Variants in ANKRD7 observed in about 807,000 individuals in gnomAD.
ANKRD7 encodes the protein ankyrin repeat domain 7.
ANKRD7 carries 30 observed loss-of-function variants against 30.8 expected under a neutral mutation model. That is an observed-to-expected ratio of 0.97 (90% CI 0.73 to 1.32). ANKRD7 has a LOEUF of 1.32. Ranked by LOEUF, ANKRD7 falls within the 40% of genes most tolerant of loss-of-function variation. The pLI is 0.00. For synonymous variants in ANKRD7, 97 were observed against 106.6 expected (o/e 0.91, Z 0.55); for missense variants, 264 against 295.7 (o/e 0.89, Z 0.79).
chr7:118,238,521 T>G (rs1809772152), intron 5 of ANKRD7, among the ~76,000 whole-genome samples: 1 of 152,234 alleles, frequency 6.6e-6, no homozygotes, highest in South Asian at 2.1e-4. Flanking sequence ...GTTGCCTATG[T>G]AACGTACTTA....
intron 6 of ANKRD7, among the ~76,000 whole-genome samples, chr7:118,241,197 T>TTA (rs1362569850): frequency 1.5e-4 from 23 of 149,274 alleles, no homozygotes; most frequent in African/African-American, 5.4e-4. Flanking sequence ...GAATATATAG[T>TTA]TATTTAGGTC....
Position 118,230,820 on chromosome 7 carries a change from CA to C in ANKRD7, c.180-3609del, listed in dbSNP as rs1809624151. Among the ~76,000 whole-genome samples, 3 of 151,926 alleles carry C rather than the reference CA, an allele frequency of 2.0e-5. No homozygotes were observed. In the South Asian group the frequency reaches 6.2e-4, roughly 31 times the overall value. On this transcript the variant is annotated intron_variant, in intron 1 of 6. Coordinates refer to ENST00000265224, the MANE Select transcript of ANKRD7 (RefSeq NM_019644.4). ...TTTGAATTTTTAATAAGGTAAATTA[CA>C]ATGTTTTATCAAATGTTTCACAGAA... is the stretch of plus-strand genomic sequence containing the variant.
chr7:118,227,708 T>C (rs1359266913), intron 1 of ANKRD7, among the ~76,000 whole-genome samples: 13 of 152,142 alleles, frequency 8.5e-5, no homozygotes, highest in Admixed American at 8.5e-4. Context: ...GCTGCGAAAA[T>C]TAATACATAT....
intron 4 of ANKRD7, 128 bp downstream of exon 4, chr7:118,236,275 T>C (rs1440680459): frequency 1.3e-5 from 7 of 541,678 alleles, no homozygotes; most frequent in Middle Eastern, 5.1e-4. Context: ...TGGGAAAATA[T>C]AGAACCATAA....
chr7:118,235,430 G>T (rs1017032942), intron 3 of ANKRD7, among the ~76,000 whole-genome samples: 5 of 151,918 alleles, frequency 3.3e-5, no homozygotes, highest in Non-Finnish European at 5.9e-5. Context: ...GGCTAACGTG[G>T]TGAAACCCCG....
intron 1 of ANKRD7, among the ~76,000 whole-genome samples, chr7:118,233,495 A>T (rs762384725): frequency 3.9e-5 from 6 of 151,950 alleles, no homozygotes; most frequent in Non-Finnish European, 5.9e-5. Context: ...ATAGATGGTA[A>T]GTTATTGTGT....
chr7:118,234,905 A>G, intron 3 of ANKRD7, 31 bp downstream of exon 3: 1 of 1,545,322 alleles, frequency 6.5e-7, no homozygotes, highest in Non-Finnish European at 8.7e-7. Context: ...AAAATCCTGT[A>G]TTTTAGAAAG....
chr7:118,233,427 A>C (rs1435395683), intron 1 of ANKRD7, among the ~76,000 whole-genome samples: 1 of 152,102 alleles, frequency 6.6e-6, no homozygotes, highest in African/African-American at 2.4e-5. Flanking sequence ...AAACTTAATT[A>C]GAATTTTAGC....
At position 118,234,421 on chromosome 7, in the gene ANKRD7, A is replaced by G. The variant is rs757735860; in HGVS notation, c.180-10A>G. On this transcript the variant is annotated splice_polypyrimidine_tract_variant and intron_variant, in intron 1 of 6. Coordinates refer to ENST00000265224, the MANE Select transcript of ANKRD7 (RefSeq NM_019644.4). ...TATCTCTAACTTTGTGTTTTGTTTTATTGACATAGAACACCTTTGCACCTA... is the reference window on the plus strand; with the variant it reads ...TATCTCTAACTTTGTGTTTTGTTTTGTTGACATAGAACACCTTTGCACCTA... 1.3e-6 allele frequency: 2 copies of G among 1,548,548 alleles called. No individual in the cohort carries two copies. The highest frequency in any genetic ancestry group is 1.7e-6 in the Non-Finnish European group (2 of 1,145,454).
intron 6 of ANKRD7, among the ~76,000 whole-genome samples, chr7:118,241,377 G>A (rs963546310): frequency 6.6e-6 from 1 of 151,372 alleles, no homozygotes; most frequent in Non-Finnish European, 1.5e-5. Flanking sequence ...GAGTGTGGAG[G>A]CAATAGAAGA....
chr7:118,240,112 A>G, intron 6 of ANKRD7, 114 bp downstream of exon 6: 1 of 376,088 alleles, frequency 2.7e-6, no homozygotes, highest in Non-Finnish European at 4.4e-6. Context: ...GAAATTTTGT[A>G]TTATTTTGAA....
At chr7:118,239,876 C>A in intron 5 of ANKRD7, 33 bp from the exon 6 acceptor site, 1 of 1,406,574 alleles carries the variant, frequency 7.1e-7, no homozygotes, top group East Asian at 2.3e-5. Context: ...AATTTCTATG[C>A]ATGCTGGCAT....
rs147870989 is a variant in ANKRD7, at chr7:118,239,905, A to G, written c.713-4A>G. Reference sequence around the variant, plus strand: ...CTGGCATTCACACGTAATTTCCTTTATAGATAGATACCCACAATTCACTGC... The same window carrying G: ...CTGGCATTCACACGTAATTTCCTTTGTAGATAGATACCCACAATTCACTGC... On this transcript the variant is annotated splice_region_variant and splice_polypyrimidine_tract_variant and intron_variant, in intron 5 of 6. Coordinates refer to ENST00000265224, the MANE Select transcript of ANKRD7 (RefSeq NM_019644.4). 237 of 1,584,056 alleles carry G rather than the reference A, an allele frequency of 1.5e-4. No individual in the cohort carries two copies. The African/African-American group carries it at 2.8e-3, about 19-fold the overall frequency.
Position 118,230,390 on chromosome 7 carries a change from G to A in ANKRD7, c.180-4041G>A, listed in dbSNP as rs184804697. On this transcript the variant is annotated intron_variant, in intron 1 of 6. Transcript: ENST00000265224. ...TCAGCAGAAGCACAGCATTATGCAAGATACCCATGTAACAAACCTGCATAT... is the reference window on the plus strand; with the variant it reads ...TCAGCAGAAGCACAGCATTATGCAAAATACCCATGTAACAAACCTGCATAT... Among the ~76,000 whole-genome samples the A allele has an allele frequency of 1.1e-3, 174 of 151,812 alleles. 2 individuals carry two copies. Among genetic ancestry groups the A allele is most frequent in the African/African-American group, 4.1e-3 (171 of 41,430 alleles).
At chr7:118,241,177 A>G (rs991703839) in intron 6 of ANKRD7, among the ~76,000 whole-genome samples, 216 of 150,614 alleles carry the variant, frequency 1.4e-3, no homozygotes, top group African/African-American at 5.1e-3. Context: ...AAAAAAAAAA[A>G]AAAAAAAAAG....
intron 6 of ANKRD7, among the ~76,000 whole-genome samples, chr7:118,241,231 A>G (rs1294507629): frequency 2.0e-5 from 3 of 151,314 alleles, no homozygotes; most frequent in South Asian, 2.1e-4. Context: ...TTTTATTGAC[A>G]AGTATGTTTT....
At chr7:118,240,122 A>C in intron 6 of ANKRD7, 124 bp downstream of exon 6, 1 of 331,066 alleles carries the variant, frequency 3.0e-6, no homozygotes, top group Non-Finnish European at 5.2e-6. Flanking sequence ...ATTATTTTGA[A>C]ATGTCAAATA....
intron 3 of ANKRD7, among the ~76,000 whole-genome samples, chr7:118,235,191 C>T (rs1809705865): frequency 6.6e-6 from 1 of 152,074 alleles, no homozygotes; most frequent in East Asian, 1.9e-4. Context: ...TCATAAAACC[C>T]ACCTTTTTTC....
intron 1 of ANKRD7, among the ~76,000 whole-genome samples, chr7:118,232,720 TTGTGTGTGTG>T (rs3061652): frequency 5.5e-5 from 8 of 145,922 alleles, no homozygotes; most frequent in African/African-American, 7.5e-5. Flanking sequence ...AGCAGTGTGT[TTGTGTGTGTG>T]TGTGTGTGTG....
Sources: gnomAD v4.1 joint callset for allele counts (sites outside exome capture counted in the v4.1 genomes callset) on GRCh38, gnomAD v4.1.1 for gene constraint, MANE v1.5 for transcripts, NCBI Gene and HGNC (gene_info 2026-07-23, HGNC 2026-07-21) for gene names.